ZFYVE27: variants seen among roughly 807,000 people sequenced by gnomAD.
The protein encoded by ZFYVE27 is protrudin.
A neutral mutation model predicts 52.8 loss-of-function variants in ZFYVE27; 36 were observed. The observed-to-expected ratio is 0.68, with a 90% confidence interval of 0.52 to 0.90. The LOEUF (loss-of-function observed/expected upper bound fraction) is 0.90, where lower values mean the gene tolerates loss of function less well. Among genes scored for constraint, ZFYVE27 ranks in the 40% least tolerant of loss-of-function variants. The pLI, the probability that ZFYVE27 is intolerant of heterozygous loss-of-function variation, is 0.00. For missense variants in ZFYVE27, 450 were observed against 527.2 expected, an observed-to-expected ratio of 0.85 and a Z score of 1.43; for synonymous variants, 223 against 215.6, an observed-to-expected ratio of 1.03 and a Z score of -0.30.
intron 10 of ZFYVE27, 37 bp downstream of exon 10, chr10:97,753,219 TGG>T (rs1564830754): frequency 8.2e-6 from 13 of 1,591,686 alleles, no homozygotes; most frequent in Non-Finnish European, 1.1e-5. Flanking sequence ...GGTGGGGGAG[TGG>T]GGGTGGACTT....
intron 1 of ZFYVE27, among the ~76,000 whole-genome samples, chr10:97,737,893 A>G (rs980654864): frequency 6.6e-6 from 1 of 152,176 alleles, no homozygotes; most frequent in Non-Finnish European, 1.5e-5. Context: ...GGAGCACGGT[A>G]TTTCATTCAC....
intron 12 of ZFYVE27, 82 bp downstream of exon 12, chr10:97,757,805 A>G: frequency 7.0e-7 from 1 of 1,438,250 alleles, no homozygotes; most frequent in Non-Finnish European, 9.8e-7. Flanking sequence ...CAAGGGTGTC[A>G]GAGGTCAAGG....
At position 97,738,594 on chromosome 10, in the gene ZFYVE27, C is replaced by G; in HGVS notation, c.117C>G (p.Asn39Lys). The G allele has an allele frequency of 6.2e-6, 10 of 1,614,226 alleles. No homozygotes were observed. Among genetic ancestry groups the G allele is most frequent in the Non-Finnish European group, 8.5e-6 (10 of 1,180,048 alleles). ...AGTCCCCAGCGTTTGACCTTTTCAA[C>G]TTGGTTCTCTCCTACAAGAGGCTGG... ...PTKSPAFDLFNLVLSYKRLEI... is the reference protein window; with the variant it reads ...PTKSPAFDLFKLVLSYKRLEI... The change falls in exon 2 of 13, where the codon AAC becomes AAG. Residue 39 changes from asparagine to lysine, a missense_variant. Asn to Lys is a moderately conservative substitution (Grantham distance 94). Transcript: ENST00000684270.
At chr10:97,754,683 C>T (rs1316487349) in intron 10 of ZFYVE27, 1 of 1,289,316 alleles carries the variant, frequency 7.8e-7, no homozygotes, top group Admixed American at 2.3e-5. Context: ...TCTGTTTACC[C>T]TCCATACTTG....
chr10:97,750,575 T>G, intron 7 of ZFYVE27, 105 bp downstream of exon 7: 1 of 1,468,262 alleles, frequency 6.8e-7, no homozygotes, highest in Non-Finnish European at 9.3e-7. Flanking sequence ...GTTCCTGCTA[T>G]TTCCCAGGCC....
chr10:97,742,717 T>A (rs532097538), intron 2 of ZFYVE27, among the ~76,000 whole-genome samples: 17 of 152,312 alleles, frequency 1.1e-4, no homozygotes, highest in Non-Finnish European at 2.5e-4. Flanking sequence ...TATATATTCT[T>A]ATGAAATTAT....
chr10:97,742,471 G>A (rs2043973958), intron 2 of ZFYVE27, among the ~76,000 whole-genome samples: 1 of 152,070 alleles, frequency 6.6e-6, no homozygotes, highest in African/African-American at 2.4e-5. Context: ...CTCACTTAAG[G>A]TGTGATTGCT....
rs750664678 is a variant in ZFYVE27, at chr10:97,749,558, C to T, written c.636C>T (p.Leu212=). 1.2e-6 allele frequency: 2 copies of T among 1,614,188 alleles called. No homozygotes were observed. The highest frequency in any genetic ancestry group is 1.7e-6 in the Non-Finnish European group (2 of 1,180,014). The change falls in exon 6 of 13, where the codon CTC becomes CTT. Residue 212 remains leucine (L), a synonymous_variant. Coordinates refer to ENST00000684270, the MANE Select transcript of ZFYVE27 (RefSeq NM_001385875.1). ...CWVLTLLNST[L]FLGNVEFFRV... ...TTCTCACCCTTTTAAACAGCACGCTCTTTCTGGGGAATGTGGAGTTCTTCC... is the reference window on the plus strand; with the variant it reads ...TTCTCACCCTTTTAAACAGCACGCTTTTTCTGGGGAATGTGGAGTTCTTCC...
intron 2 of ZFYVE27, chr10:97,738,960 C>G (rs1223023639): frequency 2.3e-6 from 1 of 428,248 alleles, no homozygotes; most frequent in Admixed American, 3.5e-5. Flanking sequence ...GAACATCACG[C>G]CTTCTACAGC....
intron 3 of ZFYVE27, among the ~76,000 whole-genome samples, chr10:97,744,387 T>C (rs1564810996): frequency 6.6e-6 from 1 of 152,198 alleles, no homozygotes; most frequent in African/African-American, 2.4e-5. Context: ...CACTCCAGCG[T>C]GAGCCTCCTC....
intron 7 of ZFYVE27, 45 bp downstream of exon 7, chr10:97,750,515 G>A (rs776037716): frequency 1.9e-6 from 3 of 1,610,992 alleles, no homozygotes; most frequent in Non-Finnish European, 2.5e-6. Context: ...CCGCTTGTGG[G>A]CCCCCCTGTT....
At chr10:97,746,610 G>A (rs185926879) in intron 4 of ZFYVE27, among the ~76,000 whole-genome samples, 132 of 151,808 alleles carry the variant, frequency 8.7e-4, no homozygotes, top group African/African-American at 2.9e-3. Flanking sequence ...GATAACTAAT[G>A]TATAATTCGT....
In ZFYVE27 at chr10:97,757,598, A is replaced by G. The variant is rs3750612; in HGVS notation, c.1090-44A>G. The G allele has an allele frequency of 0.75, 1,203,701 of 1,597,174 alleles. 459,121 individuals are homozygous for G. Among genetic ancestry groups the G allele is most frequent in the Non-Finnish European group, 0.79 (915,699 of 1,164,692 alleles). ...GAGGGAGGTGCTGAGAACTCCAGGT[A>G]CCTGAGGGTGAGGGACACATCTGAC... On this transcript the variant is annotated intron_variant, in intron 11 of 12. Coordinates refer to ENST00000684270, the MANE Select transcript of ZFYVE27 (RefSeq NM_001385875.1).
intron 2 of ZFYVE27, among the ~76,000 whole-genome samples, chr10:97,739,855 A>G (rs1399054255): frequency 6.6e-6 from 1 of 150,518 alleles, no homozygotes. Context: ...GTTAGATTTA[A>G]AGGTTGGATT....
intron 12 of ZFYVE27, chr10:97,758,240 A>G (rs1444400877): frequency 2.0e-5 from 3 of 152,652 alleles, no homozygotes; most frequent in Admixed American, 1.3e-4. Flanking sequence ...ATTAGCTTGC[A>G]TGTAGAATAA....
intron 2 of ZFYVE27, among the ~76,000 whole-genome samples, chr10:97,740,561 T>G (rs547560915): frequency 1.3e-5 from 2 of 152,328 alleles, no homozygotes; most frequent in African/African-American, 4.8e-5. Flanking sequence ...TAGTCCGTAG[T>G]GCGTCTTAGC....
chr10:97,759,174 A>G, intron 12 of ZFYVE27, 62 bp from the exon 13 acceptor site: 1 of 1,581,400 alleles, frequency 6.3e-7, no homozygotes, highest in Non-Finnish European at 8.7e-7. Flanking sequence ...TGCTTCTAGT[A>G]GTTGGGGCCA....
At chr10:97,757,752 G>A in intron 12 of ZFYVE27, 29 bp downstream of exon 12, 1 of 1,611,182 alleles carries the variant, frequency 6.2e-7, no homozygotes, top group South Asian at 1.1e-5. Context: ...GGGAGGGCTT[G>A]GTTGGTATCC....
At chr10:97,755,826 G>A (rs940768759) in intron 10 of ZFYVE27, among the ~76,000 whole-genome samples, 1 of 152,228 alleles carries the variant, frequency 6.6e-6, no homozygotes, top group Non-Finnish European at 1.5e-5. Context: ...GGCCCCACTG[G>A]GCCTTAGTGC....
Sources: allele counts gnomAD v4.1 joint callset (sites outside exome capture counted in the v4.1 genomes callset), GRCh38; gene constraint gnomAD v4.1.1; transcripts MANE v1.5; gene names NCBI Gene and HGNC (gene_info 2026-07-23, HGNC 2026-07-21).